NEK6: variants seen among roughly 807,000 people sequenced by gnomAD.
NEK6 encodes NIMA related kinase 6.
Under a neutral mutation model 43.5 loss-of-function variants are expected in NEK6, and 27 were observed. The observed-to-expected ratio is 0.62, with a 90% confidence interval of 0.46 to 0.86. NEK6 has a LOEUF of 0.86. NEK6 is among the 40% of genes least tolerant of loss of function. The pLI is 0.00. For synonymous variants in NEK6, 167 were observed against 164.1 expected (o/e 1.02, Z -0.14); for missense variants, 318 against 414.4 (o/e 0.77, Z 2.02).
intron 1 of NEK6, among the ~76,000 whole-genome samples, chr9:124,267,214 C>T (rs1831265237): frequency 6.6e-6 from 1 of 152,232 alleles, no homozygotes; most frequent in Non-Finnish European, 1.5e-5. Context: ...GGAAACCCAG[C>T]ATTGAAAGAG....
At chr9:124,289,285 G>T (rs1832307132) in intron 1 of NEK6, among the ~76,000 whole-genome samples, 1 of 150,716 alleles carries the variant, frequency 6.6e-6, no homozygotes. Flanking sequence ...ACACACTGCT[G>T]AGGATGTCCA....
At chr9:124,300,637 C>T (rs1393696876) in intron 1 of NEK6, among the ~76,000 whole-genome samples, 1 of 152,106 alleles carries the variant, frequency 6.6e-6, no homozygotes, top group African/African-American at 2.4e-5. Flanking sequence ...AGGGCAAGGC[C>T]AGGAATGGGC....
Position 124,343,550 on chromosome 9 carries a change from C to T in NEK6, c.717+3885C>T, listed in dbSNP as rs970648664. ...GTGACCCCCTCCCCACTCCTGCAGT[C>T]CCTAAAGGGGAAGGTGAAGCAGGCG... On this transcript the variant is annotated intron_variant, in intron 8 of 9. Coordinates refer to ENST00000320246, the MANE Select transcript of NEK6 (RefSeq NM_014397.6). The surrounding 1 kb of genome is among the most constrained non-coding windows in gnomAD (Gnocchi z 5.1). Among the ~76,000 whole-genome samples, 1 of 152,158 alleles carries T rather than the reference C, an allele frequency of 6.6e-6. No individual in the cohort carries two copies. The highest frequency in any genetic ancestry group is 2.4e-5 in the African/African-American group (1 of 41,440).
chr9:124,283,815 T>C (rs1314075512), intron 1 of NEK6, among the ~76,000 whole-genome samples: 1 of 152,208 alleles, frequency 6.6e-6, no homozygotes, highest in African/African-American at 2.4e-5. Flanking sequence ...AAAAATCCCA[T>C]GCCCCAGGTA....
intron 5 of NEK6, among the ~76,000 whole-genome samples, chr9:124,325,992 A>T (rs773198955): frequency 3.9e-5 from 6 of 151,988 alleles, no homozygotes; most frequent in Admixed American, 2.6e-4. Context: ...GGTGTCCAGG[A>T]GGTTCTGGAA....
intron 9 of NEK6, among the ~76,000 whole-genome samples, chr9:124,349,664 A>G (rs1358468540): frequency 6.6e-6 from 1 of 152,244 alleles, no homozygotes; most frequent in East Asian, 1.9e-4. Flanking sequence ...CTGTGCGTTT[A>G]CTTCATAAAT....
chr9:124,257,862 T>G (rs1830865794), upstream of NEK6: 2 of 1,057,434 alleles, frequency 1.9e-6, no homozygotes, highest in South Asian at 8.3e-5. Flanking sequence ...CCCTCAAGCT[T>G]GCGTGGCGGC....
intron 7 of NEK6, among the ~76,000 whole-genome samples, chr9:124,329,264 G>A (rs1828838492): frequency 6.6e-6 from 1 of 151,598 alleles, no homozygotes; most frequent in Non-Finnish European, 1.5e-5. Flanking sequence ...AAAAGACCAG[G>A]AAATTCAAGG....
rs558122163 is a variant in NEK6 at position 124,272,564 on chromosome 9, G to T, written c.-30+14479G>T. Among the ~76,000 whole-genome samples the T allele has an allele frequency of 6.6e-5, 10 of 152,352 alleles. No individual in the cohort carries two copies. The South Asian group carries it at 2.1e-3, about 32-fold the overall frequency. ...CGTGTGAGGTCCCAGCACTCCCAGC[G>T]TCCTGGGAAGGCCTCATCGGGCTTT... On this transcript the variant is annotated intron_variant, in intron 1 of 9. Transcript: ENST00000320246.
chr9:124,292,661 A>C, intron 1 of NEK6: 1 of 1,338,826 alleles, frequency 7.5e-7, no homozygotes, highest in Non-Finnish European at 1.0e-6. Flanking sequence ...CCCTTCCCTT[A>C]AGCCCCAGCC....
At chr9:124,292,970 A>G in intron 1 of NEK6, 1 of 1,576,812 alleles carries the variant, frequency 6.3e-7, no homozygotes, top group Non-Finnish European at 8.6e-7. Context: ...GCTGGGAGGC[A>G]GCTCATTTCC....
chr9:124,347,097 C>A (rs766560322), intron 8 of NEK6, among the ~76,000 whole-genome samples: 1 of 152,236 alleles, frequency 6.6e-6, no homozygotes, highest in South Asian at 2.1e-4. Context: ...CATGCTGCTG[C>A]GCACCTCTAT....
chr9:124,297,741 T>C (rs1002796585), intron 1 of NEK6, among the ~76,000 whole-genome samples: 12 of 152,224 alleles, frequency 7.9e-5, no homozygotes, highest in African/African-American at 2.9e-4. Context: ...GTTCTGCAAC[T>C]TGGCAGGAGC....
intron 1 of NEK6, among the ~76,000 whole-genome samples, chr9:124,298,149 C>T (rs1259475217): frequency 6.6e-6 from 1 of 152,170 alleles, no homozygotes; most frequent in African/African-American, 2.4e-5. Context: ...CTACCAATAG[C>T]CCCGAGGGTG....
At chr9:124,313,382 T>A (rs1833641289) in intron 3 of NEK6, among the ~76,000 whole-genome samples, 1 of 151,946 alleles carries the variant, frequency 6.6e-6, no homozygotes, top group Non-Finnish European at 1.5e-5. Context: ...ATCTTGTTTT[T>A]TTTTTGAGAT....
chr9:124,271,530 A>G (rs1311286870), intron 1 of NEK6, among the ~76,000 whole-genome samples: 1 of 152,240 alleles, frequency 6.6e-6, no homozygotes, highest in Non-Finnish European at 1.5e-5. Context: ...CCTCGTGACA[A>G]CTTTGAGCTG....
chr9:124,282,671 C>T (rs1364964124), intron 1 of NEK6, among the ~76,000 whole-genome samples: 1 of 151,694 alleles, frequency 6.6e-6, no homozygotes, highest in African/African-American at 2.4e-5. Flanking sequence ...CACGGGAGGG[C>T]CGGGATCCCC....
intron 1 of NEK6, among the ~76,000 whole-genome samples, chr9:124,270,602 A>G (rs528083124): frequency 1.3e-5 from 2 of 152,092 alleles, no homozygotes; most frequent in Non-Finnish European, 2.9e-5. Flanking sequence ...TTGCTATTTA[A>G]TGTCTCACTC....
chr9:124,305,813 G>C (rs969433239), intron 2 of NEK6, among the ~76,000 whole-genome samples: 1 of 152,208 alleles, frequency 6.6e-6, no homozygotes, highest in Non-Finnish European at 1.5e-5. Flanking sequence ...GGGTGGGACA[G>C]GGAGAGGCCC....
Sources: allele counts gnomAD v4.1 joint callset (sites outside exome capture counted in the v4.1 genomes callset), GRCh38; gene constraint gnomAD v4.1.1; non-coding constraint Gnocchi (gnomAD v3.1); transcripts MANE v1.5; gene names NCBI Gene and HGNC (gene_info 2026-07-23, HGNC 2026-07-21).